The following AKAP19 variants were observed in gnomAD, a reference collection of about 807,000 sequenced individuals.
AKAP19 encodes small A-kinase anchoring protein.
chr2:189,882,493 G>C, the AKAP19 span, among the ~76,000 whole-genome samples: 1 of 152,122 alleles, frequency 6.6e-6, no homozygotes, highest in Admixed American at 6.5e-5. Flanking sequence ...AGGACAACCT[G>C]AATCAAGAGG....
chr2:189,975,538 G>A, the AKAP19 span, among the ~76,000 whole-genome samples: 1 of 152,166 alleles, frequency 6.6e-6, no homozygotes, highest in Admixed American at 6.5e-5. Flanking sequence ...GCCTTACTAG[G>A]TTGGGGAAGT....
chr2:189,887,480 TG>T, the AKAP19 span, among the ~76,000 whole-genome samples: 1 of 152,248 alleles, frequency 6.6e-6, no homozygotes, highest in African/African-American at 2.4e-5. Context: ...TATAATCCTT[TG>T]GGTGTATACC....
chr2:190,012,932 A>G, the AKAP19 span, among the ~76,000 whole-genome samples: 3 of 152,244 alleles, frequency 2.0e-5, no homozygotes, highest in East Asian at 5.8e-4. Context: ...TGTATCTTGA[A>G]CCATCTTGCC....
chr2:190,118,182 C>G, the AKAP19 span, among the ~76,000 whole-genome samples: 1 of 152,186 alleles, frequency 6.6e-6, no homozygotes, highest in African/African-American at 2.4e-5. Context: ...AGTTGAATCT[C>G]TTACTAGACC....
the AKAP19 span, among the ~76,000 whole-genome samples, chr2:190,191,316 T>C: frequency 1.3e-5 from 2 of 152,138 alleles, no homozygotes; most frequent in Non-Finnish European, 2.9e-5. Flanking sequence ...CTAACTTTCT[T>C]GTATTTTCAG....
the AKAP19 span, among the ~76,000 whole-genome samples, chr2:189,955,292 GTTTTTGT>G: frequency 6.6e-6 from 1 of 151,760 alleles, no homozygotes; most frequent in Non-Finnish European, 1.5e-5. Flanking sequence ...TTCGTATTTT[GTTTTTGT>G]TTTTTGTTTT....
chr2:190,068,712 C>T, the AKAP19 span, among the ~76,000 whole-genome samples: 3,712 of 152,258 alleles, frequency 0.024, 163 homozygotes, highest in East Asian at 0.18. Flanking sequence ...AACTTTTCAA[C>T]TTCTCGGCAA....
chr2:189,984,656 A>G, the AKAP19 span, among the ~76,000 whole-genome samples: 1 of 152,232 alleles, frequency 6.6e-6, no homozygotes, highest in African/African-American at 2.4e-5. Flanking sequence ...TGATTGGGGA[A>G]GTGATAAGTG....
At chr2:190,064,099 C>T in the AKAP19 span, among the ~76,000 whole-genome samples, 16 of 151,972 alleles carry the variant, frequency 1.1e-4, no homozygotes, top group African/African-American at 2.4e-4. Context: ...TTTACTGCCT[C>T]GGTGCACTAA....
At chr2:190,155,359 AG>A in the AKAP19 span, among the ~76,000 whole-genome samples, 1 of 152,252 alleles carries the variant, frequency 6.6e-6, no homozygotes, top group African/African-American at 2.4e-5. Context: ...ATATCATTAA[AG>A]GAGCCTCTCC....
At chr2:190,041,410 C>A in the AKAP19 span, among the ~76,000 whole-genome samples, 1 of 152,092 alleles carries the variant, frequency 6.6e-6, no homozygotes, top group Non-Finnish European at 1.5e-5. Context: ...GCTGGAGGAG[C>A]TTTTGGGCCA....
chr2:190,136,765 G>C, the AKAP19 span, among the ~76,000 whole-genome samples: 1 of 152,122 alleles, frequency 6.6e-6, no homozygotes. Flanking sequence ...CTGGCAAATA[G>C]AATAAAGTAA....
the AKAP19 span, among the ~76,000 whole-genome samples, chr2:189,932,379 G>A: frequency 1.8e-4 from 26 of 142,914 alleles, no homozygotes; most frequent in South Asian, 4.5e-4. Flanking sequence ...TTGCACTCCA[G>A]CCTGGGCGAC....
At chr2:189,902,620 A>C in the AKAP19 span, among the ~76,000 whole-genome samples, 3 of 152,066 alleles carry the variant, frequency 2.0e-5, no homozygotes, top group South Asian at 6.2e-4. Context: ...AAAGTATTAC[A>C]TGAGTGCTAA....
At chr2:190,183,533 TGTTTAATGTTTAA>T in the AKAP19 span, among the ~76,000 whole-genome samples, 1 of 152,190 alleles carries the variant, frequency 6.6e-6, no homozygotes. Context: ...CATTTTTCCT[TGTTTAATGTTTAA>T]GTTTCGAATT....
At chr2:190,126,289 C>CAAAAAAAAAAAAAAAAAAAAAAAAAAAAA in the AKAP19 span, among the ~76,000 whole-genome samples, 29 of 31,322 alleles carry the variant, frequency 9.3e-4, 6 homozygotes, top group East Asian at 1.9e-3. Flanking sequence ...GATTCCATCT[C>CAAAAAAAAAAAAAAAAAAAAAAAAAAAAA]AAAAAAAAAA....
chr2:189,973,610 G>C, the AKAP19 span, among the ~76,000 whole-genome samples: 4,722 of 152,168 alleles, frequency 0.031, 208 homozygotes, highest in East Asian at 0.17. Flanking sequence ...AATCCATCTG[G>C]TCCTGGACTT....
the AKAP19 span, among the ~76,000 whole-genome samples, chr2:189,952,768 C>T: frequency 2.6e-5 from 4 of 152,200 alleles, no homozygotes; most frequent in Admixed American, 6.5e-5. Flanking sequence ...TTTTTGATCA[C>T]ATCTTCGATA....
the AKAP19 span, among the ~76,000 whole-genome samples, chr2:190,046,436 T>C: frequency 6.6e-6 from 1 of 152,238 alleles, no homozygotes; most frequent in South Asian, 2.1e-4. Flanking sequence ...CCTTGACTAG[T>C]CATTTCTAAT....
Sources: allele counts gnomAD v4.1 joint callset (sites outside exome capture counted in the v4.1 genomes callset), GRCh38; gene constraint gnomAD v4.1.1; transcripts MANE v1.5; gene names NCBI Gene and HGNC (gene_info 2026-07-23, HGNC 2026-07-21).